The following PLCB1 variants were observed in gnomAD, a reference collection of about 807,000 sequenced individuals.
PLCB1 encodes the protein phospholipase C beta 1, also known as 1-phosphatidylinositol 4,5-bisphosphate phosphodiesterase beta-1.
Under a neutral mutation model 161.8 loss-of-function variants are expected in PLCB1, and 46 were observed. The ratio of observed to expected loss-of-function variants is 0.28; its 90% CI spans 0.22 to 0.36. The LOEUF is 0.36. Ranked by LOEUF, PLCB1 falls within the 10% of genes least tolerant of loss-of-function variation. PLCB1 has a pLI of 1.00. For synonymous variants in PLCB1, 517 were observed against 503.7 expected (o/e 1.03, Z -0.35); for missense variants, 1,016 against 1,472.5 (o/e 0.69, Z 5.07).
At chr20:8,541,975 T>G (rs528431852) in intron 3 of PLCB1, among the ~76,000 whole-genome samples, 6 of 152,324 alleles carry the variant, frequency 3.9e-5, no homozygotes, top group African/African-American at 1.2e-4. Flanking sequence ...TGTTAGTAAT[T>G]TTCCTCCCAG....
chr20:8,508,774 G>T (rs1011002509), intron 3 of PLCB1, among the ~76,000 whole-genome samples: 1 of 151,844 alleles, frequency 6.6e-6, no homozygotes. Context: ...TTTAAAACAT[G>T]TATATGCTTT....
At chr20:8,345,189 C>G (rs1985957518) in intron 2 of PLCB1, among the ~76,000 whole-genome samples, 1 of 152,246 alleles carries the variant, frequency 6.6e-6, no homozygotes, top group African/African-American at 2.4e-5. Flanking sequence ...GCTCTGGGTC[C>G]TTTTATGTGC....
intron 3 of PLCB1, among the ~76,000 whole-genome samples, chr20:8,498,365 G>A (rs938160823): frequency 6.6e-6 from 1 of 151,776 alleles, no homozygotes; most frequent in Non-Finnish European, 1.5e-5. Flanking sequence ...AAAGTTCTGG[G>A]ATTACAGGCG....
At chr20:8,227,405 T>C (rs1979755410) in intron 2 of PLCB1, among the ~76,000 whole-genome samples, 1 of 152,202 alleles carries the variant, frequency 6.6e-6, no homozygotes, top group Admixed American at 6.5e-5. Flanking sequence ...GGCAGATTTT[T>C]GATCACAGAA....
chr20:8,693,216 G>A (rs565021766), intron 10 of PLCB1, among the ~76,000 whole-genome samples: 4 of 152,158 alleles, frequency 2.6e-5, no homozygotes, highest in African/African-American at 7.2e-5. Context: ...TGGGGAATAT[G>A]TACAAACACA....
At chr20:8,814,256 G>C (rs1221342315) in intron 31 of PLCB1, among the ~76,000 whole-genome samples, 1 of 152,066 alleles carries the variant, frequency 6.6e-6, no homozygotes, top group Non-Finnish European at 1.5e-5. Flanking sequence ...TTTGTCGATG[G>C]CATTATGCTT....
intron 31 of PLCB1, chr20:8,802,095 G>A (rs768356849): frequency 6.2e-7 from 1 of 1,612,910 alleles, no homozygotes; most frequent in Admixed American, 1.7e-5. Flanking sequence ...AACTTGCCAT[G>A]AGGATCCCTC....
chr20:8,658,425 A>T, intron 8 of PLCB1, 113 bp from the exon 9 acceptor site: 1 of 771,498 alleles, frequency 1.3e-6, no homozygotes, highest in Non-Finnish European at 2.0e-6. Flanking sequence ...AGGAGTTTCA[A>T]TATAGCATTT....
intron 4 of PLCB1, among the ~76,000 whole-genome samples, chr20:8,638,000 A>G (rs1988817163): frequency 6.6e-6 from 1 of 152,264 alleles, no homozygotes; most frequent in East Asian, 1.9e-4. Flanking sequence ...CTCACCCGCC[A>G]TTCTCCTGCC....
At chr20:8,283,962 A>G (rs1982996389) in intron 2 of PLCB1, among the ~76,000 whole-genome samples, 1 of 152,060 alleles carries the variant, frequency 6.6e-6, no homozygotes, top group Non-Finnish European at 1.5e-5. Flanking sequence ...ACTTATCTTT[A>G]ACCATGGTGA....
At chr20:8,180,349 G>A (rs1174495679) in intron 2 of PLCB1, among the ~76,000 whole-genome samples, 1 of 152,162 alleles carries the variant, frequency 6.6e-6, no homozygotes, top group Non-Finnish European at 1.5e-5. Context: ...ACTGAATTCA[G>A]TTTGCTAGTA....
At chr20:8,537,685 T>G (rs553783206) in intron 3 of PLCB1, among the ~76,000 whole-genome samples, 2 of 152,286 alleles carry the variant, frequency 1.3e-5, no homozygotes, top group South Asian at 4.1e-4. Flanking sequence ...GTAAAAGCTT[T>G]TAAGTAGCAC....
chr20:8,751,447 C>T (rs1981476718), intron 23 of PLCB1: 1 of 152,220 alleles, frequency 6.6e-6, no homozygotes, highest in Non-Finnish European at 1.5e-5. Context: ...ACCAGCACAT[C>T]AAATGGCTTT....
intron 3 of PLCB1, among the ~76,000 whole-genome samples, chr20:8,499,141 C>T (rs887934662): frequency 1.3e-4 from 20 of 152,106 alleles, no homozygotes; most frequent in African/African-American, 3.6e-4. Context: ...AATTTTGAGC[C>T]GGATGTGGTT....
In PLCB1 at chr20:8,566,381, G is replaced by T. The variant is rs111618789; in HGVS notation, c.247-61913G>T. On this transcript the variant is annotated intron_variant, in intron 3 of 31. Coordinates refer to ENST00000338037, the MANE Select transcript of PLCB1 (RefSeq NM_015192.4). ...TCAAAAAGTTGATTGTTTCTAATAAGCAGGATAACAGATATTCTAGCACCT... is the reference window on the plus strand; with the variant it reads ...TCAAAAAGTTGATTGTTTCTAATAATCAGGATAACAGATATTCTAGCACCT... Among the ~76,000 whole-genome samples, 600 of 152,216 alleles carry T rather than the reference G, an allele frequency of 3.9e-3. 3 individuals are homozygous for T. Among genetic ancestry groups the T allele is most frequent in the African/African-American group, 0.013 (556 of 41,566 alleles).
At chr20:8,215,093 G>A (rs191209161) in intron 2 of PLCB1, among the ~76,000 whole-genome samples, 6 of 152,194 alleles carry the variant, frequency 3.9e-5, no homozygotes, top group Admixed American at 2.6e-4. Context: ...GAATGCAGAA[G>A]CTGTGTGTTT....
intron 2 of PLCB1, among the ~76,000 whole-genome samples, chr20:8,175,636 A>G (rs2051774923): frequency 6.6e-6 from 1 of 152,170 alleles, no homozygotes; most frequent in Non-Finnish European, 1.5e-5. Flanking sequence ...CATCAAATCC[A>G]TGATTCATAA....
At chr20:8,163,987 C>T (rs1467287400) in intron 2 of PLCB1, among the ~76,000 whole-genome samples, 1 of 152,164 alleles carries the variant, frequency 6.6e-6, no homozygotes. Flanking sequence ...GGAAAAATGG[C>T]TGAAGATCAG....
chr20:8,427,544 A>C (rs1979839716), intron 3 of PLCB1, among the ~76,000 whole-genome samples: 1 of 152,180 alleles, frequency 6.6e-6, no homozygotes, highest in African/African-American at 2.4e-5. Context: ...GCCCATTTGC[A>C]CAGTAACAAA....
Sources: gnomAD v4.1 joint callset for allele counts (sites outside exome capture counted in the v4.1 genomes callset) on GRCh38, gnomAD v4.1.1 for gene constraint, MANE v1.5 for transcripts, NCBI Gene and HGNC (gene_info 2026-07-23, HGNC 2026-07-21) for gene names.